The following ANO3 variants were observed in gnomAD, a reference collection of about 807,000 sequenced individuals.
The protein encoded by ANO3 is anoctamin-3.
In ANO3, 99 loss-of-function variants were observed where a neutral mutation model predicts 144.8. The observed-to-expected ratio is 0.68, with a 90% CI of 0.58 to 0.81. ANO3 has a LOEUF of 0.81. Among genes scored for constraint, ANO3 ranks in the 30% least tolerant of loss-of-function variants. ANO3 has a pLI of 0.00. For missense variants in ANO3, 905 were observed against 1,202.2 expected (o/e 0.75, Z 3.66); for synonymous variants, 414 against 392.6 (o/e 1.05, Z -0.64).
At chr11:26,256,666 A>C (rs1451314225) in intron 1 of ANO3, among the ~76,000 whole-genome samples, 1 of 152,164 alleles carries the variant, frequency 6.6e-6, no homozygotes, top group Non-Finnish European at 1.5e-5. Flanking sequence ...AACAGGTTAC[A>C]TGAAATAATG....
chr11:26,195,257 A>C (rs925251886), intron 1 of ANO3, among the ~76,000 whole-genome samples: 21 of 152,310 alleles, frequency 1.4e-4, no homozygotes, highest in Admixed American at 8.5e-4. Context: ...TGGCTGTGTT[A>C]GCTTTAAGTA....
chr11:26,397,298 A>G (rs992301620), intron 1 of ANO3, among the ~76,000 whole-genome samples: 12 of 152,118 alleles, frequency 7.9e-5, no homozygotes, highest in Admixed American at 5.9e-4. Flanking sequence ...TAAGAGTTGT[A>G]ATGAGTAAGA....
intron 1 of ANO3, among the ~76,000 whole-genome samples, chr11:26,374,628 A>G (rs567121141): frequency 1.3e-3 from 192 of 152,358 alleles, no homozygotes; most frequent in Middle Eastern, 3.4e-3. Context: ...ATGGACTCCT[A>G]TTCTATAAGA....
At chr11:26,462,787 C>A (rs1421996781) in intron 3 of ANO3, among the ~76,000 whole-genome samples, 2 of 151,736 alleles carry the variant, frequency 1.3e-5, no homozygotes, top group Non-Finnish European at 2.9e-5. Context: ...GAATTTAATT[C>A]TTCTGAAAGT....
At chr11:26,559,901 T>A in intron 14 of ANO3, 122 bp downstream of exon 14, 1 of 739,656 alleles carries the variant, frequency 1.4e-6, no homozygotes, top group Admixed American at 2.1e-5. Flanking sequence ...AAATAAAGCC[T>A]CTAGGTTGGT....
intron 14 of ANO3, among the ~76,000 whole-genome samples, chr11:26,570,018 C>T (rs1036880412): frequency 5.3e-5 from 8 of 151,794 alleles, no homozygotes; most frequent in African/African-American, 9.7e-5. Context: ...ATCACAAACT[C>T]GAAAACCTTC....
chr11:26,437,891 TAATC>T (rs1858351713), intron 1 of ANO3, among the ~76,000 whole-genome samples: 1 of 152,230 alleles, frequency 6.6e-6, no homozygotes, highest in African/African-American at 2.4e-5. Context: ...TTAAAACAAT[TAATC>T]AAGACAAAGT....
chr11:26,279,237 T>C (rs1853624515), intron 1 of ANO3, among the ~76,000 whole-genome samples: 2 of 152,118 alleles, frequency 1.3e-5, no homozygotes, highest in African/African-American at 4.8e-5. Context: ...AACAGAGAAA[T>C]TGAACATGCT....
intron 1 of ANO3, among the ~76,000 whole-genome samples, chr11:26,300,427 T>G (rs759745809): frequency 3.3e-5 from 5 of 152,104 alleles, no homozygotes; most frequent in Non-Finnish European, 7.4e-5. Context: ...GTTAAAAGGT[T>G]AAGAAAAAGA....
intron 4 of ANO3, among the ~76,000 whole-genome samples, chr11:26,479,018 A>G (rs939776042): frequency 5.9e-5 from 9 of 152,204 alleles, no homozygotes; most frequent in African/African-American, 1.9e-4. Context: ...TTTCAAGAGT[A>G]AGAAAGAATG....
chr11:26,595,682 C>T (rs1031374616), intron 14 of ANO3, among the ~76,000 whole-genome samples: 5 of 151,928 alleles, frequency 3.3e-5, no homozygotes, highest in Admixed American at 6.6e-5. Context: ...TAGGTCTGAT[C>T]GGACTTTGTA....
chr11:26,223,492 T>G (rs1028289326), intron 1 of ANO3, among the ~76,000 whole-genome samples: 2 of 151,882 alleles, frequency 1.3e-5, no homozygotes, highest in South Asian at 4.2e-4. Flanking sequence ...TTCTTCCAAA[T>G]TCTACCTGTT....
rs77901075 is a variant in ANO3, at chr11:26,658,997, A to G, written c.2764-1265A>G. ...GAAATTGAAATATCTACTCTTCTTC[A>G]TAGGAAAAACAGGATGCATTTATAA... is the stretch of plus-strand genomic sequence containing the variant. On this transcript the variant is annotated intron_variant, in intron 26 of 26. Coordinates refer to ENST00000256737, the MANE Select transcript of ANO3 (RefSeq NM_031418.4). 8.0e-3 allele frequency among the ~76,000 whole-genome samples: 1,221 copies of G among 152,092 alleles called. 19 individuals are homozygous for G. Among genetic ancestry groups the G allele is most frequent in the African/African-American group, 0.028 (1,161 of 41,490 alleles).
upstream of ANO3, among the ~76,000 whole-genome samples, chr11:26,307,212 G>T (rs1033940742): frequency 1.3e-5 from 2 of 151,782 alleles, no homozygotes; most frequent in Admixed American, 6.6e-5. Context: ...AAATTAGCCA[G>T]TCGTGGTGGC....
chr11:26,533,391 T>C (rs151131697), intron 8 of ANO3, among the ~76,000 whole-genome samples: 136 of 152,270 alleles, frequency 8.9e-4, no homozygotes, highest in African/African-American at 3.1e-3. Flanking sequence ...AAAACTGCAA[T>C]TGCATTTGCA....
At chr11:26,391,794 T>C (rs1856887247) in intron 1 of ANO3, among the ~76,000 whole-genome samples, 1 of 152,130 alleles carries the variant, frequency 6.6e-6, no homozygotes, top group African/African-American at 2.4e-5. Context: ...CTTTTATGTG[T>C]AGCCAACATC....
chr11:26,273,747 A>G (rs2133838363), intron 1 of ANO3, among the ~76,000 whole-genome samples: 1 of 152,150 alleles, frequency 6.6e-6, no homozygotes, highest in African/African-American at 2.4e-5. Context: ...TAGACATCAC[A>G]CGAGAGGAGT....
rs372340904 is a variant in ANO3 at position 26,590,672 on chromosome 11, G to A, written c.1448-7693G>A. 2.0e-5 allele frequency among the ~76,000 whole-genome samples: 3 copies of A among 152,326 alleles called. 1 individual carries two copies. Among genetic ancestry groups the A allele is most frequent in the East Asian group, 3.9e-4 (2 of 5,186 alleles). ...GACTAGTGTTCAGCTCAATTAGGAC[G>A]AACCCGAGCACTTAGCCATGTGGGA... On this transcript the variant is annotated intron_variant, in intron 14 of 26. Transcript: ENST00000256737.
chr11:26,354,839 G>A (rs919325388), intron 1 of ANO3, among the ~76,000 whole-genome samples: 2 of 151,604 alleles, frequency 1.3e-5, no homozygotes, highest in Non-Finnish European at 2.9e-5. Context: ...TAGAAGTCAG[G>A]TGGTATCCTA....
Sources: gnomAD v4.1 joint callset for allele counts (sites outside exome capture counted in the v4.1 genomes callset) on GRCh38, gnomAD v4.1.1 for gene constraint, MANE v1.5 for transcripts, NCBI Gene and HGNC (gene_info 2026-07-23, HGNC 2026-07-21) for gene names.